Variants in NELL1 observed in about 807,000 individuals in gnomAD.
NELL1 encodes protein kinase C-binding protein NELL1.
NELL1 carries 76 observed loss-of-function variants against 107.4 expected under a neutral mutation model. The observed-to-expected ratio is 0.71, with a 90% CI of 0.59 to 0.86. The LOEUF (loss-of-function observed/expected upper bound fraction) is 0.86, where lower values mean the gene tolerates loss of function less well. Among genes scored for constraint, NELL1 ranks in the 40% least tolerant of loss-of-function variants. The pLI is 0.00. For synonymous variants in NELL1, 353 were observed against 341.2 expected, an observed-to-expected ratio of 1.03 and a Z score of -0.38; for missense variants, 1,024 against 1,005.5, an observed-to-expected ratio of 1.02 and a Z score of -0.25.
intron 16 of NELL1, among the ~76,000 whole-genome samples, chr11:21,540,543 T>A (rs897696514): frequency 4.6e-5 from 7 of 152,036 alleles, no homozygotes; most frequent in Admixed American, 4.6e-4. Flanking sequence ...TGGTTCATGG[T>A]TCTACAGGCT....
intron 14 of NELL1, among the ~76,000 whole-genome samples, chr11:21,350,822 A>G (rs904023375): frequency 6.6e-6 from 1 of 152,182 alleles, no homozygotes; most frequent in Non-Finnish European, 1.5e-5. Context: ...TGAGTACAAC[A>G]AAGATTCCCT....
intron 15 of NELL1, among the ~76,000 whole-genome samples, chr11:21,531,262 A>C (rs994473239): frequency 1.3e-5 from 2 of 152,304 alleles, no homozygotes; most frequent in South Asian, 2.1e-4. Flanking sequence ...TTTGCATTGA[A>C]CACAACACAA....
In NELL1 at chr11:20,672,328, C is replaced by T. The variant is rs118160053; in HGVS notation, c.55+2550C>T. ...GGACAATTGTTGTCTGGGCTGTTAA[C>T]AGTCCTAGATGAAATAAACATGTGG... On this transcript the variant is annotated intron_variant, in intron 1 of 19. Transcript: ENST00000357134. 3.0e-4 allele frequency among the ~76,000 whole-genome samples: 46 copies of T among 152,332 alleles called. 1 individual carries two copies. The East Asian group carries it at 8.1e-3, about 27-fold the overall frequency.
chr11:21,010,318 A>T (rs1010811665), intron 12 of NELL1, among the ~76,000 whole-genome samples: 7 of 151,750 alleles, frequency 4.6e-5, no homozygotes, highest in African/African-American at 1.7e-4. Flanking sequence ...TTTATTATCT[A>T]TTGCCTTTCT....
chr11:21,500,152 A>G (rs1855098117), intron 15 of NELL1, among the ~76,000 whole-genome samples: 1 of 152,138 alleles, frequency 6.6e-6, no homozygotes, highest in Non-Finnish European at 1.5e-5. Flanking sequence ...CCATGTCAGC[A>G]TGACAGAAAA....
intron 13 of NELL1, among the ~76,000 whole-genome samples, chr11:21,210,241 A>G (rs1857470913): frequency 6.6e-6 from 1 of 152,046 alleles, no homozygotes; most frequent in African/African-American, 2.4e-5. Context: ...ACTTCTCTTG[A>G]GTGTATACCT....
intron 15 of NELL1, among the ~76,000 whole-genome samples, chr11:21,498,756 A>C (rs191323836): frequency 6.6e-6 from 1 of 152,040 alleles, no homozygotes; most frequent in African/African-American, 2.4e-5. Flanking sequence ...AGATTTACCC[A>C]TTTATACCAT....
intron 14 of NELL1, among the ~76,000 whole-genome samples, chr11:21,237,836 T>C (rs1283150078): frequency 1.3e-5 from 2 of 152,128 alleles, no homozygotes; most frequent in East Asian, 3.9e-4. Context: ...TGGATTCTTC[T>C]TTATAGTCAG....
intron 9 of NELL1, 124 bp downstream of exon 9, chr11:20,928,603 A>G: frequency 1.3e-6 from 1 of 749,634 alleles, no homozygotes; most frequent in Non-Finnish European, 2.3e-6. Flanking sequence ...TTGATGTAAC[A>G]TTAAATATAT....
intron 15 of NELL1, among the ~76,000 whole-genome samples, chr11:21,426,165 T>G (rs949622156): frequency 4.6e-5 from 7 of 152,216 alleles, no homozygotes; most frequent in Non-Finnish European, 1.0e-4. Context: ...TCTATAAGTT[T>G]TTCACTGGAC....
chr11:21,056,918 T>G (rs1338273001), intron 12 of NELL1, among the ~76,000 whole-genome samples: 1 of 152,108 alleles, frequency 6.6e-6, no homozygotes, highest in African/African-American at 2.4e-5. Flanking sequence ...ATGTTTGGCT[T>G]CTAGCTACAG....
intron 12 of NELL1, among the ~76,000 whole-genome samples, chr11:21,087,982 C>T (rs1854433785): frequency 6.6e-6 from 1 of 151,594 alleles, no homozygotes; most frequent in African/African-American, 2.4e-5. Flanking sequence ...TTAAAGTTTG[C>T]CATCCCTAAT....
chr11:21,124,754 A>G (rs571086712), intron 13 of NELL1, among the ~76,000 whole-genome samples: 15 of 152,146 alleles, frequency 9.9e-5, no homozygotes, highest in African/African-American at 3.4e-4. Context: ...GGCATGCACC[A>G]CCACACCCAG....
intron 12 of NELL1, among the ~76,000 whole-genome samples, chr11:21,058,565 C>G (rs1293224567): frequency 6.6e-6 from 1 of 151,996 alleles, no homozygotes; most frequent in African/African-American, 2.4e-5. Context: ...ACACTTAAGC[C>G]CCTGATTGGC....
rs564409679 is a variant in NELL1 at position 21,517,187 on chromosome 11, C to G, written c.1646-17187C>G. Among the ~76,000 whole-genome samples, 6 of 152,250 alleles carry G rather than the reference C, an allele frequency of 3.9e-5. No homozygotes were observed. In the South Asian group the frequency reaches 1.0e-3, roughly 26 times the overall value. On this transcript the variant is annotated intron_variant, in intron 15 of 19. Coordinates refer to ENST00000357134, the MANE Select transcript of NELL1 (RefSeq NM_006157.5). ...GAAACCTTAGGCAAATCACCTCTCTCATGGGGACCTCAACTTTTCTACATG... is the reference window on the plus strand; with the variant it reads ...GAAACCTTAGGCAAATCACCTCTCTGATGGGGACCTCAACTTTTCTACATG...
At chr11:21,097,976 C>CA (rs201740361) in intron 12 of NELL1, among the ~76,000 whole-genome samples, 5,903 of 126,282 alleles carry the variant, frequency 0.047, 288 homozygotes, top group African/African-American at 0.13. Context: ...CTCCCAACTC[C>CA]AAAAAAAAAA....
chr11:21,255,966 T>C (rs1858757773), intron 14 of NELL1, among the ~76,000 whole-genome samples: 1 of 152,024 alleles, frequency 6.6e-6, no homozygotes, highest in Admixed American at 6.6e-5. Flanking sequence ...TCTTCCTTTC[T>C]CCTCCCATTG....
At chr11:21,093,289 A>G (rs2133692161) in intron 12 of NELL1, among the ~76,000 whole-genome samples, 1 of 152,314 alleles carries the variant, frequency 6.6e-6, no homozygotes, top group East Asian at 1.9e-4. Context: ...TATTCTGGTA[A>G]CCCACAAAGT....
At chr11:20,885,649 A>C in intron 5 of NELL1, 109 bp downstream of exon 5, 1 of 700,522 alleles carries the variant, frequency 1.4e-6, no homozygotes, top group East Asian at 2.7e-5. Context: ...AGGGCATGGC[A>C]TAATAGCTAC....
Sources: allele counts gnomAD v4.1 joint callset (sites outside exome capture counted in the v4.1 genomes callset), GRCh38; gene constraint gnomAD v4.1.1; transcripts MANE v1.5; gene names NCBI Gene and HGNC (gene_info 2026-07-23, HGNC 2026-07-21).